HARBI1: variants seen among roughly 807,000 people sequenced by gnomAD.
HARBI1 encodes putative nuclease HARBI1.
Under a neutral mutation model 25.3 loss-of-function variants are expected in HARBI1, and 15 were observed. The ratio of observed to expected loss-of-function variants is 0.59; its 90% confidence interval spans 0.40 to 0.91. The LOEUF (loss-of-function observed/expected upper bound fraction) is 0.91. HARBI1 is among the 40% of genes least tolerant of loss of function. The pLI is 0.00. For synonymous variants in HARBI1, 168 were observed against 160.5 expected, an observed-to-expected ratio of 1.05 and a Z score of -0.35; for missense variants, 396 against 445.8, an observed-to-expected ratio of 0.89 and a Z score of 1.01.
chr11:46,616,628 TA>T, intron 1 of HARBI1: 1 of 1,011,404 alleles, frequency 9.9e-7, no homozygotes, highest in Non-Finnish European at 1.2e-6. Context: ...ACCAAAAGAA[TA>T]ATGGAGGTGA....
At chr11:46,616,553 G>T in intron 1 of HARBI1, 172 bp from the exon 2 acceptor site, 2 of 1,098,032 alleles carry the variant, frequency 1.8e-6, no homozygotes, top group Non-Finnish European at 2.2e-6. Context: ...GGCTTGCTCT[G>T]ATTCAAGGAT....
At chr11:46,608,286 G>A (rs546823065) in intron 2 of HARBI1, among the ~76,000 whole-genome samples, 30 of 152,014 alleles carry the variant, frequency 2.0e-4, no homozygotes, top group African/African-American at 7.0e-4. Flanking sequence ...CAACAAGAGC[G>A]AAACTCCATC....
intron 2 of HARBI1, among the ~76,000 whole-genome samples, chr11:46,608,694 C>G (rs891732846): frequency 6.6e-6 from 1 of 151,718 alleles, no homozygotes; most frequent in African/African-American, 2.4e-5. Context: ...TGGTTCACTA[C>G]AACCTCCGCC....
chr11:46,608,700 C>T (rs1335071631), intron 2 of HARBI1, among the ~76,000 whole-genome samples: 2 of 151,918 alleles, frequency 1.3e-5, no homozygotes, highest in Non-Finnish European at 2.9e-5. Flanking sequence ...ACTACAACCT[C>T]CGCCTCCTGG....
At chr11:46,608,038 C>G (rs975295300) in intron 2 of HARBI1, among the ~76,000 whole-genome samples, 8 of 151,976 alleles carry the variant, frequency 5.3e-5, no homozygotes, top group African/African-American at 1.4e-4. Flanking sequence ...GGGCTTCATG[C>G]CTGTAATCCC....
chr11:46,614,424 C>CAAT (rs755471273), intron 2 of HARBI1, among the ~76,000 whole-genome samples: 62 of 151,248 alleles, frequency 4.1e-4, no homozygotes, highest in East Asian at 1.6e-3. Flanking sequence ...AACTCTGTCT[C>CAAT]AATAATAATA....
intron 2 of HARBI1, chr11:46,604,699 G>A: frequency 1.0e-6 from 1 of 985,310 alleles, no homozygotes. Context: ...AAAAGTCCGA[G>A]CACTTATGGC....
At position 46,615,658 on chromosome 11, in the gene HARBI1, G is replaced by A. The variant is rs200844501; in HGVS notation, c.580C>T (p.Pro194Ser). The change falls in exon 2 of 3, where the codon CCC (proline) becomes TCC (serine). Residue 194 changes from proline (P) to serine (S), a missense_variant. Pro to Ser is a moderately conservative substitution (Grantham distance 74, BLOSUM62 -1). Coordinates refer to ENST00000326737, the MANE Select transcript of HARBI1 (RefSeq NM_173811.4). ...ACAGCACAGTCCTGTAGGCTGCCGG[G>A]CCAGTTTGTCTCCACGGTCATTAGT... ...GTLMTVETNW[P>S]GSLQDCAVLQ... The A allele has an allele frequency of 1.6e-4, 259 of 1,614,204 alleles. No individual in the cohort carries two copies. Among genetic ancestry groups the A allele is most frequent in the South Asian group, 5.7e-4 (52 of 91,086 alleles).
Position 46,617,131 on chromosome 11 carries a change from C to G in HARBI1, c.-152G>C. ...CCCAGGCCCGTCACCCACCTCTCCG[C>G]GGCTGCCAGGTTACCAGCCACACTT... On this transcript the variant is annotated 5_prime_UTR_variant, in exon 1 of 3. Transcript: ENST00000326737. The G allele has an allele frequency of 9.4e-6, 4 of 427,142 alleles. No individual in the cohort carries two copies. Among genetic ancestry groups the G allele is most frequent in the Non-Finnish European group, 1.3e-5 (4 of 319,894 alleles). 26.5% of individuals were successfully genotyped at this position (427,142 alleles called of 1,614,324 possible).
At chr11:46,604,855 A>G (rs953261265) in intron 2 of HARBI1, among the ~76,000 whole-genome samples, 6 of 152,248 alleles carry the variant, frequency 3.9e-5, no homozygotes, top group Non-Finnish European at 8.8e-5. Flanking sequence ...AAATGAATTC[A>G]GAAGTCAATT....
rs2045447903 is a variant in HARBI1, at chr11:46,616,205, GT to G, written c.32del (p.Asp11AlafsTer20). The G allele has an allele frequency of 6.2e-7, 1 of 1,611,574 alleles. No individual in the cohort carries two copies. The highest frequency in any genetic ancestry group is 1.3e-5 in the African/African-American group (1 of 74,924). On this transcript the variant is annotated frameshift_variant, in exon 2 of 3. Coordinates refer to ENST00000326737, the MANE Select transcript of HARBI1 (RefSeq NM_173811.4). LOFTEE classifies it high-confidence loss of function. ...GGTGACCACGGCCATATAGCAAGAG[GT>G]CACAGTCAAGCACTGTTATTGGTAT... is the stretch of plus-strand genomic sequence containing the variant. MAIPITVLDC[D>X]LLLYGRGHRT...
Position 46,603,486 on chromosome 11 carries a change from C to T in HARBI1, c.*44G>A. The T allele has an allele frequency of 6.6e-7, 1 of 1,519,552 alleles. No individual in the cohort carries two copies. The highest frequency in any genetic ancestry group is 8.9e-7 in the Non-Finnish European group (1 of 1,127,000). The allele number at this position is 1,519,552 out of a possible 1,614,324, so 94.1% of individuals were successfully genotyped here. On this transcript the variant is annotated 3_prime_UTR_variant, in exon 3 of 3. Transcript: ENST00000326737. ...TGTAAAAGGTGATGAGGAGGAAAGT[C>T]TGTCACAACTCCTGGGAAGTATCCC...
At position 46,616,093 on chromosome 11, in the gene HARBI1, A is replaced by G. The variant is rs780902440; in HGVS notation, c.145T>C (p.Leu49=). The G allele has an allele frequency of 6.2e-7, 1 of 1,614,194 alleles. No homozygotes were observed. The highest frequency in any genetic ancestry group is 2.2e-5 in the East Asian group (1 of 44,878). ...YGFPRQFIYY[L]VELLGANLSR... Reference sequence around the variant, plus strand: ...AGATTCGCCCCCAAGAGCTCCACCAAGTAATAAATGAACTGCCGTGGAAAC... The same window carrying G: ...AGATTCGCCCCCAAGAGCTCCACCAGGTAATAAATGAACTGCCGTGGAAAC... The change falls in exon 2 of 3, where the codon TTG becomes CTG. Residue 49 remains leucine (L), a synonymous_variant. Transcript: ENST00000326737.
At chr11:46,615,541 A>G in intron 2 of HARBI1, 27 bp downstream of exon 2, 1 of 1,600,858 alleles carries the variant, frequency 6.2e-7, no homozygotes. Flanking sequence ...CTCCAAACAA[A>G]ATGAAAATTC....
At chr11:46,605,903 G>T (rs1327427905) in intron 2 of HARBI1, among the ~76,000 whole-genome samples, 6 of 148,610 alleles carry the variant, frequency 4.0e-5, no homozygotes, top group East Asian at 2.0e-4. Flanking sequence ...TTGTTTGTTT[G>T]TTTTTTTGAG....
chr11:46,603,380 C>G lies in HARBI1; in HGVS notation c.*150G>C, dbSNP rs2044827430. 4 of 740,006 alleles carry G rather than the reference C, an allele frequency of 5.4e-6. No homozygotes were observed. Among genetic ancestry groups the G allele is most frequent in the Non-Finnish European group, 4.4e-6 (2 of 452,792 alleles). The allele number at this position is 740,006 out of a possible 1,614,324, so 45.8% of individuals were successfully genotyped here. A position where few individuals can be genotyped will look rare whatever the true frequency, so the allele number is the denominator to read the frequency against. ...TGAATCAAGATATTCTGGCATAGCC[C>G]CAACCTTACCAAAACACACATATTA... On this transcript the variant is annotated 3_prime_UTR_variant, in exon 3 of 3. Transcript: ENST00000326737.
chr11:46,617,146 C>T lies in HARBI1; in HGVS notation c.-167G>A. 6.2e-6 allele frequency: 2 copies of T among 321,334 alleles called. No individual in the cohort carries two copies. The highest frequency in any genetic ancestry group is 9.0e-6 in the Non-Finnish European group (2 of 222,826). The allele number at this position is 321,334 out of a possible 1,614,324, so 19.9% of individuals were successfully genotyped here. A position where few individuals can be genotyped will look rare whatever the true frequency, so the allele number is the denominator to read the frequency against. ...CACCTCTCCGCGGCTGCCAGGTTAC[C>T]AGCCACACTTCCCACCCACCCAGCC... On this transcript the variant is annotated 5_prime_UTR_variant, in exon 1 of 3. Transcript: ENST00000326737.
chr11:46,616,626 A>C, intron 1 of HARBI1: 1 of 1,012,970 alleles, frequency 9.9e-7, no homozygotes. Flanking sequence ...ACACCAAAAG[A>C]ATAATGGAGG....
At chr11:46,616,821 AAAG>A in intron 1 of HARBI1, 1 of 976,790 alleles carries the variant, frequency 1.0e-6, no homozygotes, top group Non-Finnish European at 1.2e-6. Context: ...TCTAACAAGA[AAAG>A]AAGGGGCAAA....
Sources: allele counts gnomAD v4.1 joint callset (sites outside exome capture counted in the v4.1 genomes callset), GRCh38; gene constraint gnomAD v4.1.1; transcripts MANE v1.5; gene names NCBI Gene and HGNC (gene_info 2026-07-23, HGNC 2026-07-21).